Variants in CD164 observed in about 807,000 individuals in gnomAD.
CD164 encodes the protein CD164 molecule.
In CD164, 11 loss-of-function variants were observed where a neutral mutation model predicts 24.6. The observed-to-expected ratio is 0.45, with a 90% CI of 0.28 to 0.74. The LOEUF (loss-of-function observed/expected upper bound fraction) is 0.74. CD164 is among the 30% of genes least tolerant of loss of function. The pLI, the probability that CD164 is intolerant of heterozygous loss-of-function variation, is 0.13. For missense variants in CD164, 295 were observed against 243.7 expected (o/e 1.21, Z -1.40); for synonymous variants, 126 against 100.3 (o/e 1.26, Z -1.53).
Position 109,379,602 on chromosome 6 carries a change from G to A in CD164, c.236C>T (p.Thr79Ile), listed in dbSNP as rs759278922. The A allele has an allele frequency of 6.2e-7, 1 of 1,613,060 alleles. No homozygotes were observed. The highest frequency in any genetic ancestry group is 2.2e-5 in the East Asian group (1 of 44,844). The stretch of plus-strand genomic sequence containing the variant: ...ACCTTTACATTCTATCCAAAAGCAG[G>A]TAGTATTAACAACGCTAACATTAAA... The part of the protein sequence containing the change: ...SCFNVSVVNT[T>I]CFWIECKDES... Residue 79 changes from threonine to isoleucine, a missense_variant, in exon 2 of 6, where the codon ACC becomes ATC. By Grantham distance (89) the Thr-to-Ile change is moderately conservative (BLOSUM62 -1). Transcript: ENST00000310786.
In CD164 at chr6:109,377,900, C is replaced by T. The variant is rs142043630; in HGVS notation, c.331G>A (p.Val111Ile). ...QVGNTTDFCS[V>I]STATPVPTAN... ...CCAAGCAGCCAATATGAATACTTACCGGAACAGAAGTCTGTCGTGTTCCCC... is the reference window on the plus strand; with the variant it reads ...CCAAGCAGCCAATATGAATACTTACTGGAACAGAAGTCTGTCGTGTTCCCC... Residue 111 changes from valine (V) to isoleucine (I), a missense_variant and splice_region_variant, in exon 3 of 6, where the codon GTT becomes ATT. Physicochemically the swap from Val to Ile is conservative, Grantham distance 29. Transcript: ENST00000310786. 3.2e-5 allele frequency: 52 copies of T among 1,611,282 alleles called. No homozygotes were observed. The highest frequency in any genetic ancestry group is 1.7e-4 in the African/African-American group (13 of 74,846).
At chr6:109,379,746 A>G (rs1582491319) in intron 1 of CD164, 84 bp from the exon 2 acceptor site, 1 of 998,638 alleles carries the variant, frequency 1.0e-6, no homozygotes, top group East Asian at 2.4e-5. Context: ...CTTTTTGAAC[A>G]ATAAGCATTA....
rs569033406 is a variant in CD164 at position 109,382,193 on chromosome 6, C to T, written c.175+11G>A. ...AGGGGAGGGCGGGAAGCCCACAGGG[C>T]CCGCGCCCACCTGGTGCCGGAGTGG... On this transcript the variant is annotated intron_variant, in intron 1 of 5. Coordinates refer to ENST00000310786, the MANE Select transcript of CD164 (RefSeq NM_006016.6). The T allele has an allele frequency of 2.6e-6, 4 of 1,535,088 alleles. No individual in the cohort carries two copies. The highest frequency in any genetic ancestry group is 4.0e-5 in the Admixed American group (2 of 49,944).
intron 5 of CD164, among the ~76,000 whole-genome samples, chr6:109,369,342 T>C (rs1770955279): frequency 6.6e-6 from 1 of 152,244 alleles, no homozygotes; most frequent in South Asian, 2.1e-4. Context: ...TATGTACTTT[T>C]AGTTAATTGT....
chr6:109,369,072 A>C (rs1253224930), intron 5 of CD164, 55 bp from the exon 6 acceptor site: 6 of 1,474,882 alleles, frequency 4.1e-6, no homozygotes, highest in Non-Finnish European at 3.7e-6. Context: ...CCTCTATTGT[A>C]ATTTAAAGAT....
In CD164 at chr6:109,368,086, T is replaced by C. The variant is rs888382437; in HGVS notation, c.*765A>G. On this transcript the variant is annotated 3_prime_UTR_variant, in exon 6 of 6. Transcript: ENST00000310786. ...TTAACAGTATGATATCTAAAACAGG[T>C]TTACTACTGCTCACATCAAGTTACA... 2.3e-6 allele frequency: 1 copy of C among 437,258 alleles called. No individual in the cohort carries two copies. Among genetic ancestry groups the C allele is most frequent in the African/African-American group, 2.1e-5 (1 of 48,488 alleles). The allele number at this position is 437,258 out of a possible 1,614,324, so 27.1% of individuals were successfully genotyped here.
chr6:109,381,477 A>G (rs1367112963), intron 1 of CD164: 2 of 701,776 alleles, frequency 2.8e-6, no homozygotes, highest in South Asian at 3.0e-5. Flanking sequence ...CCGTCTCTGC[A>G]TCTACCTCCT....
At chr6:109,373,963 C>T (rs1308947412) in intron 4 of CD164, among the ~76,000 whole-genome samples, 2 of 152,206 alleles carry the variant, frequency 1.3e-5, no homozygotes, top group Non-Finnish European at 2.9e-5. Flanking sequence ...CACACCACTG[C>T]GTAAGTGTTT....
Position 109,367,210 on chromosome 6 carries a change from TA to T in CD164, c.*1640del, listed in dbSNP as rs879167480. 2.6e-5 allele frequency: 4 copies of T among 152,680 alleles called. No homozygotes were observed. In the South Asian group the frequency reaches 8.3e-4, roughly 32 times the overall value. The allele number at this position is 152,680 out of a possible 1,614,324, so 9.5% of individuals were successfully genotyped here. On this transcript the variant is annotated 3_prime_UTR_variant, in exon 6 of 6. Coordinates refer to ENST00000310786, the MANE Select transcript of CD164 (RefSeq NM_006016.6). The stretch of plus-strand genomic sequence containing the variant: ...AAACAATTAAGGCACTTGAAAACAT[TA>T]AGTATATGTACAAATGTGCAAGTAA...
chr6:109,381,416 A>G (rs1192212328), intron 1 of CD164: 12 of 682,576 alleles, frequency 1.8e-5, no homozygotes, highest in Admixed American at 1.7e-4. Context: ...AAAATTTTAA[A>G]AACAATTGAA....
rs868271704 is a variant in CD164, at chr6:109,379,636, C to T, written c.202G>A (p.Val68Ile). Residue 68 changes from valine to isoleucine, a missense_variant, in exon 2 of 6, where the codon GTT becomes ATT. Val to Ile is a conservative substitution (Grantham distance 29, BLOSUM62 3). Transcript: ENST00000310786. The part of the protein sequence containing the change: ...PETCEGRNSC[V>I]SCFNVSVVNT... The stretch of plus-strand genomic sequence containing the variant: ...ACAACGCTAACATTAAAACAGGAAA[C>T]GCAGCTGTTTCGACCTTCACAGGTT... 2 of 1,613,290 alleles carry T rather than the reference C, an allele frequency of 1.2e-6. No homozygotes were observed. The highest frequency in any genetic ancestry group is 1.7e-6 in the Non-Finnish European group (2 of 1,179,732).
At chr6:109,373,252 C>A (rs1771194755) in intron 4 of CD164, among the ~76,000 whole-genome samples, 1 of 152,194 alleles carries the variant, frequency 6.6e-6, no homozygotes, top group Non-Finnish European at 1.5e-5. Flanking sequence ...ACATTTTCCA[C>A]TGTATCTGAC....
rs532464600 is a variant in CD164 at position 109,373,780 on chromosome 6, A to G, written c.370+2294T>C. 9.3e-4 allele frequency among the ~76,000 whole-genome samples: 141 copies of G among 152,356 alleles called. No homozygotes were observed. In the South Asian group the frequency reaches 0.016, roughly 17 times the overall value. Reference sequence around the variant, plus strand: ...ATGAGTGTTAAATATTTACGACCACATCACCATATAATCATCAGCTCAAAA... The same window carrying G: ...ATGAGTGTTAAATATTTACGACCACGTCACCATATAATCATCAGCTCAAAA... On this transcript the variant is annotated intron_variant, in intron 4 of 5. Coordinates refer to ENST00000310786, the MANE Select transcript of CD164 (RefSeq NM_006016.6).
chr6:109,370,577 T>C (rs1771023775), intron 4 of CD164, 110 bp from the exon 5 acceptor site: 1 of 991,370 alleles, frequency 1.0e-6, no homozygotes, highest in Admixed American at 2.6e-5. Context: ...TTCAATTTTT[T>C]AGAGACCAAA....
chr6:109,382,172 G>C, intron 1 of CD164, 32 bp downstream of exon 1: 1 of 1,493,262 alleles, frequency 6.7e-7, no homozygotes, highest in Non-Finnish European at 8.9e-7. Flanking sequence ...CTGGGCAGGG[G>C]AGGGCGGGAA....
rs1770823680 is a variant in CD164 at position 109,367,415 on chromosome 6, AT to A, written c.*1435del. 1 of 152,288 alleles carries A rather than the reference AT, an allele frequency of 6.6e-6. No homozygotes were observed. The highest frequency in any genetic ancestry group is 6.5e-5 in the Admixed American group (1 of 15,274). The allele number at this position is 152,288 out of a possible 1,614,324, so 9.4% of individuals were successfully genotyped here. A position where few individuals can be genotyped will look rare whatever the true frequency, so the allele number is the denominator to read the frequency against. The stretch of plus-strand genomic sequence containing the variant: ...AGCCACTATTGGCTAAAGAAACTAA[AT>A]AAAAAACGTTAATGACCTAGAAAAG... On this transcript the variant is annotated 3_prime_UTR_variant, in exon 6 of 6. Coordinates refer to ENST00000310786, the MANE Select transcript of CD164 (RefSeq NM_006016.6).
intron 1 of CD164, chr6:109,381,370 T>TA (rs1771729234): frequency 1.6e-6 from 1 of 626,072 alleles, no homozygotes; most frequent in Non-Finnish European, 2.9e-6. Context: ...CACGACCTAC[T>TA]AAACATACGC....
At chr6:109,376,009 A>G in intron 4 of CD164, 65 bp downstream of exon 4, 2 of 1,211,004 alleles carry the variant, frequency 1.7e-6, no homozygotes, top group Non-Finnish European at 2.3e-6. Context: ...ATTATTTAAA[A>G]CTAATCCATC....
intron 5 of CD164, among the ~76,000 whole-genome samples, chr6:109,370,028 C>T (rs1770988694): frequency 6.6e-6 from 1 of 152,174 alleles, no homozygotes; most frequent in African/African-American, 2.4e-5. Context: ...TTAGACCTTT[C>T]TCAGTGAAAA....
Sources: allele counts gnomAD v4.1 joint callset (sites outside exome capture counted in the v4.1 genomes callset), GRCh38; gene constraint gnomAD v4.1.1; transcripts MANE v1.5; gene names NCBI Gene and HGNC (gene_info 2026-07-23, HGNC 2026-07-21).